Variants in SP140 observed in about 807,000 individuals in gnomAD.
SP140 encodes SP140 nuclear body protein.
Under a neutral mutation model 125.0 loss-of-function variants are expected in SP140, and 81 were observed. The ratio of observed to expected loss-of-function variants is 0.65; its 90% CI spans 0.54 to 0.78. SP140 has a LOEUF of 0.78. Ranked by LOEUF, SP140 falls within the 30% of genes least tolerant of loss-of-function variation. The probability of loss-of-function intolerance (pLI) is 0.00; values close to 1 mark genes in which losing one functional copy is unlikely to be tolerated. For missense variants in SP140, 858 were observed against 1,037.0 expected, an observed-to-expected ratio of 0.83 and a Z score of 2.37; for synonymous variants, 312 against 354.0, an observed-to-expected ratio of 0.88 and a Z score of 1.33.
chr2:230,226,511 A>G (rs954771530), intron 1 of SP140, among the ~76,000 whole-genome samples: 4 of 152,204 alleles, frequency 2.6e-5, no homozygotes, highest in African/African-American at 9.6e-5. Context: ...TATTTTTTAC[A>G]TATCTGGTCA....
At chr2:230,285,557 C>T (rs2056266701) in intron 16 of SP140, among the ~76,000 whole-genome samples, 195 bp from the exon 17 acceptor site, 1 of 152,144 alleles carries the variant, frequency 6.6e-6, no homozygotes, top group Non-Finnish European at 1.5e-5. Context: ...TAGACAAATT[C>T]TAAGAGACTT....
At chr2:230,192,068 T>C in the SP140 span, among the ~76,000 whole-genome samples, 3 of 152,194 alleles carry the variant, frequency 2.0e-5, no homozygotes, top group Non-Finnish European at 4.4e-5. Flanking sequence ...GAAAAGGCCT[T>C]TGATAAAATT....
At chr2:230,265,868 A>T (rs2053039230) in intron 12 of SP140, among the ~76,000 whole-genome samples, 1 of 152,108 alleles carries the variant, frequency 6.6e-6, no homozygotes, top group Non-Finnish European at 1.5e-5. Context: ...CTGGTCACGA[A>T]CCATGGCCTA....
chr2:230,223,412 T>C (rs1408062275), upstream of SP140, among the ~76,000 whole-genome samples: 4 of 152,188 alleles, frequency 2.6e-5, no homozygotes, highest in Non-Finnish European at 5.9e-5. Context: ...AGTGAGTCAA[T>C]ATAACCTGCC....
intron 12 of SP140, among the ~76,000 whole-genome samples, chr2:230,258,375 CA>C (rs1470218861): frequency 6.6e-6 from 1 of 152,176 alleles, no homozygotes; most frequent in African/African-American, 2.4e-5. Flanking sequence ...AATGGAATGG[CA>C]GACAACTGTT....
intron 3 of SP140, among the ~76,000 whole-genome samples, chr2:230,241,126 G>A (rs530104395): frequency 2.0e-5 from 3 of 152,296 alleles, no homozygotes; most frequent in Non-Finnish European, 4.4e-5. Flanking sequence ...AGAAAGGAAG[G>A]CGCCATTGCT....
At chr2:230,256,877 T>C (rs1223587223) in intron 12 of SP140, among the ~76,000 whole-genome samples, 4 of 152,208 alleles carry the variant, frequency 2.6e-5, no homozygotes, top group African/African-American at 9.7e-5. Context: ...TGTCATTGGA[T>C]CATGCAGTGG....
At chr2:230,231,415 G>A (rs1388460179) in intron 1 of SP140, among the ~76,000 whole-genome samples, 1 of 152,132 alleles carries the variant, frequency 6.6e-6, no homozygotes, top group Non-Finnish European at 1.5e-5. Context: ...GGTAGGAAAT[G>A]GGCCATATCT....
chr2:230,245,748 GA>G (rs2049347675), intron 6 of SP140, 114 bp from the exon 7 acceptor site: 1 of 670,978 alleles, frequency 1.5e-6, no homozygotes, highest in African/African-American at 1.8e-5. Context: ...TTGGTGCAAA[GA>G]TACCTTTATT....
At chr2:230,220,084 A>G in intron 3 of SP140, 1 of 985,532 alleles carries the variant, frequency 1.0e-6, no homozygotes. Context: ...CGGTGCCTGC[A>G]GCCTCTCTCC....
upstream of SP140, chr2:230,202,891 CCTT>C (rs1334503296): frequency 3.4e-5 from 24 of 695,962 alleles, no homozygotes; most frequent in East Asian, 6.1e-4. Flanking sequence ...ATAATTATAT[CCTT>C]CTTCTTATGT....
At chr2:230,297,149 T>C (rs908741644) in intron 21 of SP140, among the ~76,000 whole-genome samples, 50 of 152,216 alleles carry the variant, frequency 3.3e-4, no homozygotes, top group African/African-American at 1.2e-3. Context: ...TTTAATGGGT[T>C]ATCATAGAAA....
At chr2:230,259,673 C>A (rs148361682) in intron 12 of SP140, among the ~76,000 whole-genome samples, 1 of 148,148 alleles carries the variant, frequency 6.8e-6, no homozygotes, top group Admixed American at 6.7e-5. Flanking sequence ...GGTGACAGAA[C>A]GAGACTCCAT....
intron 22 of SP140, among the ~76,000 whole-genome samples, chr2:230,302,993 T>G (rs1228769344): frequency 6.6e-6 from 1 of 151,772 alleles, no homozygotes; most frequent in Non-Finnish European, 1.5e-5. Context: ...AGTTCACACC[T>G]GAAGGAACTA....
chr2:230,215,133 T>A, intron 3 of SP140: 1 of 1,605,318 alleles, frequency 6.2e-7, no homozygotes, highest in East Asian at 2.2e-5. Context: ...AAAAATGGAG[T>A]GAAGGTTTTT....
intron 22 of SP140, among the ~76,000 whole-genome samples, chr2:230,300,025 C>T (rs897849372): frequency 5.9e-5 from 9 of 152,124 alleles, no homozygotes; most frequent in African/African-American, 1.7e-4. Flanking sequence ...CTCTACCTGC[C>T]CCTGTAGCTG....
At chr2:230,212,435 A>AT in intron 1 of SP140, 1 of 1,599,156 alleles carries the variant, frequency 6.3e-7, no homozygotes, top group South Asian at 1.1e-5. Flanking sequence ...TGGTCACTGA[A>AT]GGAGGAAAGG....
intron 18 of SP140, among the ~76,000 whole-genome samples, chr2:230,288,581 C>T (rs1179465305): frequency 1.3e-5 from 2 of 151,204 alleles, no homozygotes; most frequent in Admixed American, 6.6e-5. Flanking sequence ...TACAACCCAT[C>T]ATCTACATTA....
chr2:230,230,106 G>T (rs533990145), intron 1 of SP140, among the ~76,000 whole-genome samples: 2 of 152,192 alleles, frequency 1.3e-5, no homozygotes, highest in South Asian at 2.1e-4. Flanking sequence ...TTTAATAATC[G>T]CAGGGCCAGC....
Sources: allele counts gnomAD v4.1 joint callset (sites outside exome capture counted in the v4.1 genomes callset), GRCh38; gene constraint gnomAD v4.1.1; transcripts MANE v1.5; gene names NCBI Gene and HGNC (gene_info 2026-07-23, HGNC 2026-07-21).